Variants in TNKS observed in about 807,000 individuals in gnomAD.
TNKS encodes the protein poly [ADP-ribose] polymerase tankyrase-1.
A neutral mutation model predicts 135.8 loss-of-function variants in TNKS; 72 were observed. That is an observed-to-expected ratio of 0.53 (90% confidence interval 0.44 to 0.64). The LOEUF is 0.64. Ranked by LOEUF, TNKS falls within the 30% of genes least tolerant of loss-of-function variation. The pLI, the probability that TNKS is intolerant of heterozygous loss-of-function variation, is 0.00. For missense variants in TNKS, 1,769 were observed against 1,674.0 expected, an observed-to-expected ratio of 1.06 and a Z score of -0.99; for synonymous variants, 849 against 649.3, an observed-to-expected ratio of 1.31 and a Z score of -4.68.
intron 1 of TNKS, among the ~76,000 whole-genome samples, chr8:9,573,807 T>C (rs757521355): frequency 6.6e-6 from 1 of 152,188 alleles, no homozygotes; most frequent in Non-Finnish European, 1.5e-5. Flanking sequence ...CTTTAAGATG[T>C]GATTTTGCTG....
At chr8:9,672,709 CACAAAAA>C (rs1382890511) in intron 3 of TNKS, among the ~76,000 whole-genome samples, 272 of 91,806 alleles carry the variant, frequency 3.0e-3, no homozygotes, top group Middle Eastern at 0.013. Context: ...CACACACACA[CACAAAAA>C]AAAAAAAACA....
In TNKS at chr8:9,765,751, G is replaced by T; in HGVS notation, c.3507G>T (p.Val1169=). Residue 1169 remains valine, a synonymous_variant, in exon 24 of 27, where the codon GTG becomes GTT. Transcript: ENST00000310430. Reference sequence around the variant, plus strand: ...GGTTCTGCCACCGACAGAAGGAAGTGTCTGAGGAGAATCACAACCATCACA... The same window carrying T: ...GGTTCTGCCACCGACAGAAGGAAGTTTCTGAGGAGAATCACAACCATCACA... ...RERFCHRQKE[V]SEENHNHHNE... 6.2e-7 allele frequency: 1 copy of T among 1,614,030 alleles called. No individual in the cohort carries two copies. Among genetic ancestry groups the T allele is most frequent in the Non-Finnish European group, 8.5e-7 (1 of 1,179,938 alleles).
intron 3 of TNKS, among the ~76,000 whole-genome samples, chr8:9,679,601 T>C (rs1215673103): frequency 6.6e-6 from 1 of 152,180 alleles, no homozygotes; most frequent in Non-Finnish European, 1.5e-5. Context: ...TTCCCAAGTA[T>C]ACTGTGACAG....
At chr8:9,668,743 A>C (rs908387211) in intron 3 of TNKS, among the ~76,000 whole-genome samples, 4 of 152,220 alleles carry the variant, frequency 2.6e-5, no homozygotes, top group Admixed American at 2.0e-4. Context: ...AACATGAGCA[A>C]AGACATTCAG....
intron 5 of TNKS, among the ~76,000 whole-genome samples, chr8:9,699,263 T>C (rs541905412): frequency 2.6e-5 from 4 of 152,358 alleles, no homozygotes; most frequent in Admixed American, 6.5e-5. Context: ...CTTTTACCAT[T>C]GCTTTGCCAT....
intron 2 of TNKS, among the ~76,000 whole-genome samples, chr8:9,596,149 A>C (rs1027672314): frequency 1.3e-5 from 2 of 152,162 alleles, no homozygotes; most frequent in African/African-American, 4.8e-5. Flanking sequence ...ACATACACAC[A>C]TACATACTGT....
intron 3 of TNKS, among the ~76,000 whole-genome samples, chr8:9,643,756 A>T (rs1299804164): frequency 6.6e-6 from 1 of 152,158 alleles, no homozygotes; most frequent in Non-Finnish European, 1.5e-5. Context: ...ATGACCCGGC[A>T]ATTCTGCTTC....
intron 25 of TNKS, among the ~76,000 whole-genome samples, chr8:9,769,198 C>T (rs574745725): frequency 6.6e-6 from 1 of 152,302 alleles, no homozygotes; most frequent in African/African-American, 2.4e-5. Flanking sequence ...TAAATGAATG[C>T]ATGGCTGTGT....
At chr8:9,575,518 A>C (rs1797913676) in intron 1 of TNKS, 5 of 668,554 alleles carry the variant, frequency 7.5e-6, no homozygotes, top group Non-Finnish European at 9.3e-6. Context: ...ATTTCAACTC[A>C]CACCATAGTT....
chr8:9,716,607 C>G (rs1804611828), intron 11 of TNKS, among the ~76,000 whole-genome samples: 4 of 152,070 alleles, frequency 2.6e-5, no homozygotes, highest in Admixed American at 1.3e-4. Context: ...AAGACCAGAA[C>G]AAGGAATTTA....
chr8:9,767,742 G>C (rs1807545960), intron 25 of TNKS, among the ~76,000 whole-genome samples: 1 of 152,042 alleles, frequency 6.6e-6, no homozygotes, highest in Admixed American at 6.6e-5. Flanking sequence ...GGCAGATCAT[G>C]CCGTCAGGAG....
chr8:9,614,306 T>C (rs1033332165), intron 2 of TNKS, among the ~76,000 whole-genome samples: 1 of 152,214 alleles, frequency 6.6e-6, no homozygotes, highest in African/African-American at 2.4e-5. Context: ...TGCATTCACA[T>C]AGGAAATAAC....
At chr8:9,685,195 A>C (rs1170322031) in intron 5 of TNKS, among the ~76,000 whole-genome samples, 1 of 152,176 alleles carries the variant, frequency 6.6e-6, no homozygotes, top group Non-Finnish European at 1.5e-5. Context: ...TCAGAAATAA[A>C]GTAGAATTTA....
At chr8:9,717,072 AATATATATAT>A (rs368231440) in intron 11 of TNKS, among the ~76,000 whole-genome samples, 6 of 79,460 alleles carry the variant, frequency 7.6e-5, no homozygotes, top group African/African-American at 2.8e-4. Flanking sequence ...GTTGTATTAT[AATATATATAT>A]ATATATATAT....
chr8:9,718,597 A>G (rs1253445179), intron 11 of TNKS, among the ~76,000 whole-genome samples: 2 of 152,140 alleles, frequency 1.3e-5, no homozygotes, highest in Non-Finnish European at 2.9e-5. Flanking sequence ...TGAGTTATTC[A>G]TCTTCTGTAA....
intron 5 of TNKS, among the ~76,000 whole-genome samples, chr8:9,683,789 A>G (rs1386014724): frequency 6.6e-6 from 1 of 151,936 alleles, no homozygotes; most frequent in African/African-American, 2.4e-5. Context: ...ATATGTGAGA[A>G]GTTAATATTT....
At chr8:9,651,571 G>A (rs1226991955) in intron 3 of TNKS, among the ~76,000 whole-genome samples, 1 of 152,182 alleles carries the variant, frequency 6.6e-6, no homozygotes, top group African/African-American at 2.4e-5. Context: ...GGGAAGCTGG[G>A]ATCAGTTCCA....
At chr8:9,662,002 T>A (rs866612242) in intron 3 of TNKS, among the ~76,000 whole-genome samples, 1 of 152,228 alleles carries the variant, frequency 6.6e-6, no homozygotes, top group Non-Finnish European at 1.5e-5. Context: ...TCATCATCAC[T>A]GGCCATCAGA....
chr8:9,604,437 G>A (rs974668280), intron 2 of TNKS, among the ~76,000 whole-genome samples: 3 of 152,090 alleles, frequency 2.0e-5, no homozygotes, highest in Admixed American at 1.3e-4. Context: ...TTGCAAGTTG[G>A]TAGTAGAATT....
Sources: allele counts gnomAD v4.1 joint callset (sites outside exome capture counted in the v4.1 genomes callset), GRCh38; gene constraint gnomAD v4.1.1; transcripts MANE v1.5; gene names NCBI Gene and HGNC (gene_info 2026-07-23, HGNC 2026-07-21).